The following HNRNPUL2 variants were observed in gnomAD, a reference collection of about 807,000 sequenced individuals.
The protein encoded by HNRNPUL2 is heterogeneous nuclear ribonucleoprotein U-like protein 2.
HNRNPUL2 carries 27 observed loss-of-function variants against 102.2 expected under a neutral mutation model. That is an observed-to-expected ratio of 0.26 (90% confidence interval 0.19 to 0.36). The LOEUF is 0.36. Among genes scored for constraint, HNRNPUL2 ranks in the 10% least tolerant of loss-of-function variants. The pLI is 1.00. For synonymous variants in HNRNPUL2, 458 were observed against 387.2 expected, an observed-to-expected ratio of 1.18 and a Z score of -2.15; for missense variants, 936 against 981.1, an observed-to-expected ratio of 0.95 and a Z score of 0.61.
intron 11 of HNRNPUL2, among the ~76,000 whole-genome samples, chr11:62,716,603 GAAGC>G (rs1362325035): frequency 6.6e-6 from 1 of 152,156 alleles, no homozygotes; most frequent in African/African-American, 2.4e-5. Context: ...AAATGACACA[GAAGC>G]AAGAAAACTG....
rs1325845859 is a variant in HNRNPUL2 at position 62,726,687 on chromosome 11, G to C, written c.470C>G (p.Pro157Arg). Residue 157 changes from proline (P) to arginine (R), a missense_variant, in exon 1 of 14, where the codon CCC (proline) becomes CGC (arginine). Pro to Arg is a moderately radical substitution (Grantham distance 103, BLOSUM62 -2). Transcript: ENST00000301785. Reference sequence around the variant, plus strand: ...CGTCTCGTCCCCGCTCCGCTCCTCGGGTTCGTCTTCCTCCCTCTTGCCGAG... The same window carrying C: ...CGTCTCGTCCCCGCTCCGCTCCTCGCGTTCGTCTTCCTCCCTCTTGCCGAG... ...QGLGKREEDE[P>R]EERSGDETPG... The C allele has an allele frequency of 1.9e-6, 3 of 1,600,158 alleles. No homozygotes were observed. Among genetic ancestry groups the C allele is most frequent in the Non-Finnish European group, 2.5e-6 (3 of 1,179,418 alleles).
chr11:62,716,283 A>G (rs1437643999), intron 11 of HNRNPUL2, among the ~76,000 whole-genome samples: 5 of 152,196 alleles, frequency 3.3e-5, no homozygotes, highest in South Asian at 2.1e-4. Flanking sequence ...GGGATTTCAG[A>G]TATCGTATAA....
intron 1 of HNRNPUL2, among the ~76,000 whole-genome samples, chr11:62,724,838 A>G (rs1206289425): frequency 2.6e-5 from 4 of 152,242 alleles, no homozygotes; most frequent in African/African-American, 9.6e-5. Context: ...CATATTTTGT[A>G]ACACTTTTCC....
At chr11:62,724,069 T>C in intron 2 of HNRNPUL2, 79 bp from the exon 3 acceptor site, 3 of 1,294,634 alleles carry the variant, frequency 2.3e-6, no homozygotes, top group South Asian at 2.5e-5. Flanking sequence ...TGACATTATG[T>C]CCATTTTAAA....
intron 1 of HNRNPUL2, among the ~76,000 whole-genome samples, chr11:62,725,891 TAA>T (rs1305537601): frequency 6.6e-6 from 1 of 152,188 alleles, no homozygotes; most frequent in Non-Finnish European, 1.5e-5. Flanking sequence ...ACCTGAAACG[TAA>T]AAGACTAGCA....
At chr11:62,720,801 T>C (rs2083695892) in intron 9 of HNRNPUL2, among the ~76,000 whole-genome samples, 1 of 144,156 alleles carries the variant, frequency 6.9e-6, no homozygotes, top group Non-Finnish European at 1.5e-5. Flanking sequence ...GAGGCTGAGC[T>C]TGCAGTGAGC....
chr11:62,715,728 A>T (rs541733627), intron 12 of HNRNPUL2, 121 bp from the exon 13 acceptor site: 20 of 1,144,142 alleles, frequency 1.7e-5, no homozygotes, highest in Non-Finnish European at 2.5e-5. Flanking sequence ...TAATTTTCCC[A>T]TAGTAAATCT....
chr11:62,724,029 A>G (rs773394442), intron 2 of HNRNPUL2, 39 bp from the exon 3 acceptor site: 1 of 1,531,990 alleles, frequency 6.5e-7, no homozygotes, highest in South Asian at 1.1e-5. Flanking sequence ...AATGTAAACA[A>G]AGCCCTCTTC....
At chr11:62,721,270 C>G in intron 9 of HNRNPUL2, 25 bp downstream of exon 9, 1 of 1,592,932 alleles carries the variant, frequency 6.3e-7, no homozygotes, top group Non-Finnish European at 8.5e-7. Context: ...CACCTTGACT[C>G]TAGGCAATTT....
In HNRNPUL2 at chr11:62,715,017, G is replaced by A. The variant is rs757039744; in HGVS notation, c.*282C>T. 9.9e-5 allele frequency: 36 copies of A among 364,434 alleles called. No individual in the cohort carries two copies. The highest frequency in any genetic ancestry group is 1.5e-4 in the Non-Finnish European group (30 of 197,806). 22.6% of individuals were successfully genotyped at this position (364,434 alleles called of 1,614,324 possible). A position where few individuals can be genotyped will look rare whatever the true frequency, so the allele number is the denominator to read the frequency against. The stretch of plus-strand genomic sequence containing the variant: ...GGCAGCCCTAAGTGCTGCTTTCTGC[G>A]CAAATGTTTTTTGATTACAAATCTC... On this transcript the variant is annotated 3_prime_UTR_variant, in exon 14 of 14. Coordinates refer to ENST00000301785, the MANE Select transcript of HNRNPUL2 (RefSeq NM_001079559.3).
intron 1 of HNRNPUL2, 144 bp downstream of exon 1, chr11:62,726,475 G>A (rs538277362): frequency 4.9e-6 from 4 of 824,164 alleles, no homozygotes; most frequent in Non-Finnish European, 7.2e-6. Context: ...CCTCAGAAAG[G>A]TGGGTAGAGA....
At chr11:62,721,656 A>T (rs1213977266) in intron 8 of HNRNPUL2, among the ~76,000 whole-genome samples, 164 bp downstream of exon 8, 1 of 152,172 alleles carries the variant, frequency 6.6e-6, no homozygotes, top group Non-Finnish European at 1.5e-5. Flanking sequence ...TTGACAACAC[A>T]GCAAAGAAAA....
Position 62,726,715 on chromosome 11 carries a change from C to T in HNRNPUL2, c.442G>A (p.Gly148Ser). Residue 148 changes from glycine to serine, a missense_variant, in exon 1 of 14, where the codon GGC becomes AGC. Physicochemically the swap from Gly to Ser is moderately conservative, Grantham distance 56 (BLOSUM62 0). Transcript: ENST00000301785. ...SGGVNGGEEQ[G>S]LGKREEDEPE... The stretch of plus-strand genomic sequence containing the variant: ...TCGTCTTCCTCCCTCTTGCCGAGGC[C>T]CTGCTCTTCGCCACCATTTACCCCG... The T allele has an allele frequency of 6.2e-7, 1 of 1,600,890 alleles. No homozygotes were observed. The highest frequency in any genetic ancestry group is 1.1e-5 in the South Asian group (1 of 91,038).
At position 62,726,865 on chromosome 11, in the gene HNRNPUL2, G is replaced by T; in HGVS notation, c.292C>A (p.Pro98Thr). The T allele has an allele frequency of 1.3e-6, 2 of 1,583,324 alleles. No homozygotes were observed. Among genetic ancestry groups the T allele is most frequent in the South Asian group, 1.1e-5 (1 of 88,896 alleles). Residue 98 changes from proline to threonine, a missense_variant, in exon 1 of 14, where the codon CCC becomes ACC. Physicochemically the swap from Pro to Thr is conservative, Grantham distance 38. Coordinates refer to ENST00000301785, the MANE Select transcript of HNRNPUL2 (RefSeq NM_001079559.3). ...ALLEDEDEEP[P>T]PAQALGQAAQ... ...GCCTGACCCAAGGCTTGAGCAGGGGGTGGCTCCTCGTCCTCGTCCTCAAGC... is the reference window on the plus strand; with the variant it reads ...GCCTGACCCAAGGCTTGAGCAGGGGTTGGCTCCTCGTCCTCGTCCTCAAGC...
chr11:62,725,042 C>G (rs925794543), intron 1 of HNRNPUL2, among the ~76,000 whole-genome samples: 1 of 152,074 alleles, frequency 6.6e-6, no homozygotes, highest in Admixed American at 6.6e-5. Flanking sequence ...TAAATAATAC[C>G]GCATCTAGAC....
At chr11:62,720,936 A>G (rs1031161557) in intron 9 of HNRNPUL2, among the ~76,000 whole-genome samples, 2 of 151,766 alleles carry the variant, frequency 1.3e-5, no homozygotes, top group South Asian at 4.2e-4. Context: ...GTCAATACAC[A>G]TGATCTTCTT....
chr11:62,727,288 G>C lies in HNRNPUL2; in HGVS notation c.-132C>G. ...CAGCACTGAGCCCGCGCGAGCGAGC[G>C]CACGCACGCAGGAGCGGAGGCCGCG... On this transcript the variant is annotated 5_prime_UTR_variant, in exon 1 of 14. Coordinates refer to ENST00000301785, the MANE Select transcript of HNRNPUL2 (RefSeq NM_001079559.3). 8.9e-7 allele frequency: 1 copy of C among 1,128,424 alleles called. No homozygotes were observed. Among genetic ancestry groups the C allele is most frequent in the Non-Finnish European group, 1.1e-6 (1 of 899,552 alleles). The allele number at this position is 1,128,424 out of a possible 1,614,324, so 69.9% of individuals were successfully genotyped here. A position where few individuals can be genotyped will look rare whatever the true frequency, so the allele number is the denominator to read the frequency against.
rs1321483602 is a variant in HNRNPUL2 at position 62,713,037 on chromosome 11, T to C, written c.*2262A>G. 1.3e-5 allele frequency: 2 copies of C among 152,240 alleles called. No individual in the cohort carries two copies. Among genetic ancestry groups the C allele is most frequent in the Non-Finnish European group, 2.9e-5 (2 of 68,032 alleles). The allele number at this position is 152,240 out of a possible 1,614,324, so 9.4% of individuals were successfully genotyped here. ...TCTACTGTTGTTGCAAATGATCTCT[T>C]GGACTAAACCAACAAGGATGTGGCA... is the stretch of plus-strand genomic sequence containing the variant. On this transcript the variant is annotated 3_prime_UTR_variant, in exon 14 of 14. Transcript: ENST00000301785.
At chr11:62,725,788 A>G (rs2083740838) in intron 1 of HNRNPUL2, among the ~76,000 whole-genome samples, 1 of 152,176 alleles carries the variant, frequency 6.6e-6, no homozygotes, top group African/African-American at 2.4e-5. Context: ...AAAGGTCACT[A>G]ACTCCCTGGG....
Sources: gnomAD v4.1 joint callset for allele counts (sites outside exome capture counted in the v4.1 genomes callset) on GRCh38, gnomAD v4.1.1 for gene constraint, MANE v1.5 for transcripts, NCBI Gene and HGNC (gene_info 2026-07-23, HGNC 2026-07-21) for gene names.